SYNM: variants seen among roughly 807,000 people sequenced by gnomAD.
SYNM encodes the protein desmuslin.
In SYNM, 95 loss-of-function variants were observed where a neutral mutation model predicts 104.0. The ratio of observed to expected loss-of-function variants is 0.91; its 90% confidence interval spans 0.77 to 1.08. SYNM has a LOEUF of 1.08. Among genes scored for constraint, SYNM ranks in the 50% least tolerant of loss-of-function variants. The probability of loss-of-function intolerance (pLI) is 0.00; values close to 1 mark genes in which losing one functional copy is unlikely to be tolerated. For synonymous variants in SYNM, 918 were observed against 869.0 expected, an observed-to-expected ratio of 1.06 and a Z score of -0.99; for missense variants, 2,150 against 2,052.2, an observed-to-expected ratio of 1.05 and a Z score of -0.92.
intron 1 of SYNM, 75 bp downstream of exon 1, chr15:99,106,084 G>C: frequency 2.3e-6 from 3 of 1,332,070 alleles, no homozygotes; most frequent in Non-Finnish European, 1.9e-6. Context: ...GACGGCGTGG[G>C]GCAGCGGCCC....
Position 99,131,462 on chromosome 15 carries a change from G to A in SYNM, c.3102G>A (p.Val1034=). The A allele has an allele frequency of 6.2e-7, 1 of 1,606,926 alleles. No individual in the cohort carries two copies. Among genetic ancestry groups the A allele is most frequent in the Non-Finnish European group, 8.5e-7 (1 of 1,179,302 alleles). Residue 1034 remains valine, a synonymous_variant, in exon 4 of 4, where the codon GTG becomes GTA. Transcript: ENST00000336292. The surrounding 1 kb of genome is among the most constrained non-coding windows in gnomAD (Gnocchi z 4.3). The stretch of plus-strand genomic sequence containing the variant: ...AGATGGAGAAGGCTGTGGAGTCGGT[G>A]GTTCGGGAGAGCCTGAGCAGGCAAC... ...ASEMEKAVES[V]VRESLSRQRS...
chr15:99,129,685 T>C lies in SYNM; in HGVS notation c.1325T>C (p.Val442Ala). The change falls in exon 4 of 4, where the codon GTG becomes GCG. Residue 442 changes from valine to alanine, a missense_variant. By Grantham distance (64) the Val-to-Ala change is moderately conservative. Coordinates refer to ENST00000336292, the MANE Select transcript of SYNM (RefSeq NM_145728.3). ...YGLLRNTEAQ[V>A]KTFPDRPKAG... The stretch of plus-strand genomic sequence containing the variant: ...CTTTTAAGAAATACTGAGGCTCAAG[T>C]GAAAACATTCCCTGACAGACCAAAA... 1 of 1,613,760 alleles carries C rather than the reference T, an allele frequency of 6.2e-7. No individual in the cohort carries two copies. The highest frequency in any genetic ancestry group is 8.5e-7 in the Non-Finnish European group (1 of 1,179,868).
intron 2 of SYNM, among the ~76,000 whole-genome samples, chr15:99,120,060 A>G (rs1193423792): frequency 6.6e-6 from 1 of 152,258 alleles, no homozygotes; most frequent in Non-Finnish European, 1.5e-5. Context: ...AGCTTCACCA[A>G]AGAAGCTTTT....
intron 2 of SYNM, among the ~76,000 whole-genome samples, chr15:99,116,118 G>C (rs1195959449): frequency 6.6e-6 from 1 of 152,266 alleles, no homozygotes; most frequent in East Asian, 1.9e-4. Flanking sequence ...TCCCCCATTT[G>C]AGAGCCTTGC....
chr15:99,129,089 A>G (rs981212972), intron 3 of SYNM: 3 of 425,272 alleles, frequency 7.1e-6, no homozygotes, highest in Non-Finnish European at 1.3e-5. Context: ...ATTGTGCTTT[A>G]TGATTAATGT....
Position 99,132,586 on chromosome 15 carries a change from C to T in SYNM, c.4226C>T (p.Thr1409Ile). Reference protein sequence around the residue: ...RSFRHIRLGPTETETSEHIAI... With the variant: ...RSFRHIRLGPIETETSEHIAI... Reference sequence around the variant, plus strand: ...TTTAGGCACATTCGACTAGGTCCTACAGAAACGGAAACCTCTGAACACATT... The same window carrying T: ...TTTAGGCACATTCGACTAGGTCCTATAGAAACGGAAACCTCTGAACACATT... Residue 1409 changes from threonine (T) to isoleucine (I), a missense_variant, in exon 4 of 4, where the codon ACA (threonine) becomes ATA (isoleucine). Transcript: ENST00000336292. 6.2e-7 allele frequency: 1 copy of T among 1,614,052 alleles called. No individual in the cohort carries two copies. Among genetic ancestry groups the T allele is most frequent in the Non-Finnish European group, 8.5e-7 (1 of 1,179,908 alleles).
intron 3 of SYNM, among the ~76,000 whole-genome samples, chr15:99,127,607 T>C (rs565229815): frequency 6.6e-6 from 1 of 152,338 alleles, no homozygotes; most frequent in East Asian, 1.9e-4. Context: ...ATTTGGGTTC[T>C]AGTCATCTAT....
intron 3 of SYNM, among the ~76,000 whole-genome samples, chr15:99,127,421 C>G (rs1380871882): frequency 6.6e-6 from 1 of 152,178 alleles, no homozygotes; most frequent in Non-Finnish European, 1.5e-5. Context: ...TGAGGGATAA[C>G]TTGTTTTTTA....
intron 1 of SYNM, among the ~76,000 whole-genome samples, chr15:99,106,775 A>G (rs1196126051): frequency 9.9e-5 from 15 of 152,238 alleles, no homozygotes; most frequent in African/African-American, 3.6e-4. Flanking sequence ...AACTATGCCC[A>G]GTCCAGCCCT....
intron 2 of SYNM, among the ~76,000 whole-genome samples, chr15:99,126,446 G>A (rs1391542432): frequency 6.6e-6 from 1 of 152,216 alleles, no homozygotes; most frequent in African/African-American, 2.4e-5. Flanking sequence ...GCCCTGGCCT[G>A]GTCATTTTGT....
rs782167708 is a variant in SYNM at position 99,132,225 on chromosome 15, T to C, written c.3865T>C (p.Leu1289=). The C allele has an allele frequency of 1.2e-6, 2 of 1,611,838 alleles. No individual in the cohort carries two copies. The highest frequency in any genetic ancestry group is 1.7e-6 in the Non-Finnish European group (2 of 1,178,564). ...FTAPLSDKVE[L]GVIGDSVHME... Reference sequence around the variant, plus strand: ...AGCTCCACTTTCAGACAAGGTGGAGTTGGGTGTCATAGGAGATTCTGTACA... The same window carrying C: ...AGCTCCACTTTCAGACAAGGTGGAGCTGGGTGTCATAGGAGATTCTGTACA... The change falls in exon 4 of 4, where the codon TTG becomes CTG. Residue 1289 remains leucine, a synonymous_variant. Coordinates refer to ENST00000336292, the MANE Select transcript of SYNM (RefSeq NM_145728.3).
intron 2 of SYNM, among the ~76,000 whole-genome samples, chr15:99,123,228 C>T (rs2067417248): frequency 6.6e-6 from 1 of 151,978 alleles, no homozygotes; most frequent in Non-Finnish European, 1.5e-5. Flanking sequence ...ATCCAGACAT[C>T]CTGACTCCAG....
At chr15:99,136,890 C>T (rs1296019748), downstream of SYNM, 1 of 152,324 alleles carries the variant, frequency 6.6e-6, no homozygotes. Flanking sequence ...TTCTCTCCAC[C>T]CTGTCGTGGC....
In SYNM at chr15:99,131,271, C is replaced by T; in HGVS notation, c.2911C>T (p.Leu971Phe). Residue 971 changes from leucine to phenylalanine, a missense_variant, in exon 4 of 4, where the codon CTC (leucine) becomes TTC (phenylalanine). Transcript: ENST00000336292. This position sits in a 1 kb window ranked among gnomAD's most constrained non-coding sequence, Gnocchi z 4.3. ...PERMREELSA[L>F]TREGQGGPGS... ...GCGCATGAGGGAGGAGCTGTCCGCC[C>T]TCACCAGAGAGGGGCAGGGTGGGCC... 1.2e-6 allele frequency: 2 copies of T among 1,611,760 alleles called. No homozygotes were observed. The highest frequency in any genetic ancestry group is 1.7e-6 in the Non-Finnish European group (2 of 1,179,236).
intron 2 of SYNM, among the ~76,000 whole-genome samples, chr15:99,123,436 C>T (rs529879487): frequency 9.6e-4 from 146 of 152,180 alleles, no homozygotes; most frequent in African/African-American, 3.3e-3. Context: ...CCTGTGAAGC[C>T]GGTGGTCTCA....
At chr15:99,122,557 T>G (rs1555484616) in intron 2 of SYNM, among the ~76,000 whole-genome samples, 2 of 152,170 alleles carry the variant, frequency 1.3e-5, no homozygotes, top group Admixed American at 6.6e-5. Flanking sequence ...AGAATAGAGT[T>G]GGGCATGGTG....
At chr15:99,114,115 A>G (rs1011692522) in intron 2 of SYNM, among the ~76,000 whole-genome samples, 2 of 152,142 alleles carry the variant, frequency 1.3e-5, no homozygotes, top group Non-Finnish European at 2.9e-5. Context: ...GTGTTTTCAC[A>G]CCGCTATAAA....
rs1442934378 is a variant in SYNM, at chr15:99,129,786, C to T, written c.1426C>T (p.Arg476Ter). ...TIARESYRDR[R>*]DKVAAGASES... ...TGCCCGCGAGTCGTACCGGGATCGCCGAGACAAGGTGGCAGCAGGTGCTTC... is the reference window on the plus strand; with the variant it reads ...TGCCCGCGAGTCGTACCGGGATCGCTGAGACAAGGTGGCAGCAGGTGCTTC... Residue 476 changes from arginine (R) to a stop codon, truncating the protein, a stop_gained, in exon 4 of 4, where the codon CGA becomes TGA. Transcript: ENST00000336292. LOFTEE classifies it low-confidence loss of function (END_TRUNC). The T allele has an allele frequency of 5.0e-6, 8 of 1,613,198 alleles. No homozygotes were observed. Among genetic ancestry groups the T allele is most frequent in the African/African-American group, 1.3e-5 (1 of 74,798 alleles).
Position 99,130,821 on chromosome 15 carries a change from G to T in SYNM, c.2461G>T (p.Ala821Ser), listed in dbSNP as rs2067495130. The T allele has an allele frequency of 6.2e-7, 1 of 1,613,906 alleles. No individual in the cohort carries two copies. The highest frequency in any genetic ancestry group is 1.7e-5 in the Admixed American group (1 of 60,012). Residue 821 changes from alanine (A) to serine (S), a missense_variant, in exon 4 of 4, where the codon GCA (alanine) becomes TCA (serine). By Grantham distance (99) the Ala-to-Ser change is moderately conservative. Coordinates refer to ENST00000336292, the MANE Select transcript of SYNM (RefSeq NM_145728.3). ...GACTCACGTGGAAGAAGTGACAGAGGCAGGTGATTCAGAGGGCGAGCAGAG... is the reference window on the plus strand; with the variant it reads ...GACTCACGTGGAAGAAGTGACAGAGTCAGGTGATTCAGAGGGCGAGCAGAG... The part of the protein sequence containing the change: ...NTTHVEEVTE[A>S]GDSEGEQSYF...
Sources: allele counts gnomAD v4.1 joint callset (sites outside exome capture counted in the v4.1 genomes callset), GRCh38; gene constraint gnomAD v4.1.1; non-coding constraint Gnocchi (gnomAD v3.1); transcripts MANE v1.5; gene names NCBI Gene and HGNC (gene_info 2026-07-23, HGNC 2026-07-21).